The following OR2L5 variants were observed in gnomAD, a reference collection of about 807,000 sequenced individuals.
OR2L5 encodes the protein olfactory receptor 2L5.
For synonymous variants in OR2L5, 169 were observed against 142.0 expected, an observed-to-expected ratio of 1.19 and a Z score of -1.35; for missense variants, 413 against 381.6, an observed-to-expected ratio of 1.08 and a Z score of -0.69.
In OR2L5 at chr1:248,022,475, T is replaced by C; in HGVS notation, c.528T>C (p.Phe176=). Residue 176 remains phenylalanine (F), a synonymous_variant, in exon 2 of 2, where the codon TTT becomes TTC. Coordinates refer to ENST00000355281, the MANE Select transcript of OR2L5 (RefSeq NM_001258284.2). ...PYCKSRAINH[F]FCDVPAMLTL... The stretch of plus-strand genomic sequence containing the variant: ...GCAAGTCCAGAGCCATCAATCATTT[T>C]TTCTGTGATGTTCCAGCTATGTTGA... 6.2e-7 allele frequency: 1 copy of C among 1,614,234 alleles called. No homozygotes were observed. The highest frequency in any genetic ancestry group is 8.5e-7 in the Non-Finnish European group (1 of 1,180,044).
rs1191505964 is a variant in OR2L5, at chr1:248,023,571, A to T, written c.*685A>T. The T allele has an allele frequency of 6.6e-6, 1 of 152,198 alleles. No individual in the cohort carries two copies. The highest frequency in any genetic ancestry group is 2.4e-5 in the African/African-American group (1 of 41,462). The allele number at this position is 152,198 out of a possible 1,614,324, so 9.4% of individuals were successfully genotyped here. A position where few individuals can be genotyped will look rare whatever the true frequency, so the allele number is the denominator to read the frequency against. Reference sequence around the variant, plus strand: ...CTCCTGAGTAGCCACGGGTATTCTCATGCAAGACGTTCTCTTCTGAACAAT... The same window carrying T: ...CTCCTGAGTAGCCACGGGTATTCTCTTGCAAGACGTTCTCTTCTGAACAAT... On this transcript the variant is annotated 3_prime_UTR_variant, in exon 2 of 2. Transcript: ENST00000355281.
chr1:248,021,889 A>T, intron 1 of OR2L5, 38 bp from the exon 2 acceptor site: 2 of 1,366,756 alleles, frequency 1.5e-6, no homozygotes, highest in Non-Finnish European at 1.0e-6. Context: ...GATAATGGGG[A>T]ACTACTGTAC....
At position 248,023,170 on chromosome 1, in the gene OR2L5, G is replaced by T; in HGVS notation, c.*284G>T. 4.3e-6 allele frequency: 1 copy of T among 230,488 alleles called. No homozygotes were observed. Among genetic ancestry groups the T allele is most frequent in the East Asian group, 8.8e-5 (1 of 11,386 alleles). The allele number at this position is 230,488 out of a possible 1,614,324, so 14.3% of individuals were successfully genotyped here. On this transcript the variant is annotated 3_prime_UTR_variant, in exon 2 of 2. Transcript: ENST00000355281. ...AAATCAAAACAATAAATGTCCAAAG[G>T]AATCATATCATTCAGCATAATAGTT... is the stretch of plus-strand genomic sequence containing the variant.
intron 1 of OR2L5, among the ~76,000 whole-genome samples, chr1:248,020,896 C>A (rs1662318941): frequency 6.7e-6 from 1 of 150,184 alleles, no homozygotes; most frequent in Non-Finnish European, 1.5e-5. Flanking sequence ...TATATGGGAC[C>A]AACATGGCAC....
chr1:248,016,317 T>C (rs1029811222), intron 1 of OR2L5, among the ~76,000 whole-genome samples: 5 of 152,206 alleles, frequency 3.3e-5, no homozygotes, highest in Non-Finnish European at 2.9e-5. Context: ...GGTATTTTTT[T>C]TGTAAGTGAA....
rs756499486 is a variant in OR2L5, at chr1:248,022,015, G to T, written c.68G>T (p.Gly23Val). 1.1e-5 allele frequency: 18 copies of T among 1,613,756 alleles called. No individual in the cohort carries two copies. In the Admixed American group the frequency reaches 2.3e-4, roughly 21 times the overall value. The change falls in exon 2 of 2, where the codon GGC (glycine) becomes GTC (valine). Residue 23 changes from glycine (G) to valine (V), a missense_variant. Physicochemically the swap from Gly to Val is moderately radical, Grantham distance 109. Coordinates refer to ENST00000355281, the MANE Select transcript of OR2L5 (RefSeq NM_001258284.2). ...LLGLFPPSKI[G>V]LFLFILFVLI... ...GGGCTGTTCCCACCATCAAAAATTG[G>T]CCTTTTCCTCTTCATTCTCTTTGTT...
At chr1:248,017,770 C>T (rs544332807) in intron 1 of OR2L5, among the ~76,000 whole-genome samples, 1 of 152,196 alleles carries the variant, frequency 6.6e-6, no homozygotes, top group Non-Finnish European at 1.5e-5. Context: ...GGATGGAGTT[C>T]TGGGGTTGCC....
intron 1 of OR2L5, among the ~76,000 whole-genome samples, chr1:248,017,997 T>TA (rs1662240751): frequency 1.3e-5 from 2 of 151,570 alleles, no homozygotes; most frequent in East Asian, 2.0e-4. Context: ...TATGTATATA[T>TA]AAAAAAAATT....
At position 248,021,980 on chromosome 1, in the gene OR2L5, C is replaced by A; in HGVS notation, c.33C>A (p.Phe11Leu). The A allele has an allele frequency of 6.2e-7, 1 of 1,613,580 alleles. No individual in the cohort carries two copies. Among genetic ancestry groups the A allele is most frequent in the Non-Finnish European group, 8.5e-7 (1 of 1,179,696 alleles). Residue 11 changes from phenylalanine (F) to leucine (L), a missense_variant, in exon 2 of 2, where the codon TTC (phenylalanine) becomes TTA (leucine). Physicochemically the swap from Phe to Leu is conservative, Grantham distance 22. Transcript: ENST00000355281. ...ATTACAATCAAACGTCAACTGATTT[C>A]ATCTTATTGGGGCTGTTCCCACCAT... MENYNQTSTD[F>L]ILLGLFPPSK...
intron 1 of OR2L5, among the ~76,000 whole-genome samples, chr1:248,014,959 G>C (rs562507499): frequency 6.4e-4 from 97 of 152,132 alleles, no homozygotes; most frequent in Middle Eastern, 6.8e-3. Context: ...ACAGTCAAAG[G>C]ATACTTCATA....
chr1:248,022,696 A>G lies in OR2L5; in HGVS notation c.749A>G (p.Tyr250Cys), dbSNP rs1365094690. Residue 250 changes from tyrosine (Y) to cysteine (C), a missense_variant, in exon 2 of 2, where the codon TAC becomes TGC. Coordinates refer to ENST00000355281, the MANE Select transcript of OR2L5 (RefSeq NM_001258284.2). The stretch of plus-strand genomic sequence containing the variant: ...ACCCACCTCACTGTAGTAACTTTCT[A>G]CTATGCACCCTTTGCTTATACCTAT... ...CSTHLTVVTF[Y>C]YAPFAYTYLC... The G allele has an allele frequency of 2.5e-6, 4 of 1,614,052 alleles. No homozygotes were observed. The Admixed American group carries it at 6.7e-5, about 27-fold the overall frequency.
chr1:248,022,681 CT>C lies in OR2L5; in HGVS notation c.735del (p.Val246Ter). The C allele has an allele frequency of 6.2e-7, 1 of 1,614,152 alleles. No individual in the cohort carries two copies. The highest frequency in any genetic ancestry group is 8.5e-7 in the Non-Finnish European group (1 of 1,180,008). Reference sequence around the variant, plus strand: ...TATTCGACCTGCAGCACCCACCTCACTGTAGTAACTTTCTACTATGCACCCT... The same window carrying C: ...TATTCGACCTGCAGCACCCACCTCACGTAGTAACTTTCTACTATGCACCCT... ...KAYSTCSTHL[T>X]VVTFYYAPFA... On this transcript the variant is annotated frameshift_variant, in exon 2 of 2. Coordinates refer to ENST00000355281, the MANE Select transcript of OR2L5 (RefSeq NM_001258284.2). LOFTEE classifies it low-confidence loss of function (END_TRUNC).
chr1:248,021,967 C>A lies in OR2L5; in HGVS notation c.20C>A (p.Thr7Lys). 1 of 1,613,048 alleles carries A rather than the reference C, an allele frequency of 6.2e-7. No homozygotes were observed. Among genetic ancestry groups the A allele is most frequent in the African/African-American group, 1.3e-5 (1 of 74,954 alleles). The change falls in exon 2 of 2, where the codon ACG (threonine) becomes AAG (lysine). Residue 7 changes from threonine (T) to lysine (K), a missense_variant. By Grantham distance (78) the Thr-to-Lys change is moderately conservative. Coordinates refer to ENST00000355281, the MANE Select transcript of OR2L5 (RefSeq NM_001258284.2). MENYNQ[T>K]STDFILLGLF... The stretch of plus-strand genomic sequence containing the variant: ...TGCCCCATGGAAAATTACAATCAAA[C>A]GTCAACTGATTTCATCTTATTGGGG...
At chr1:248,019,085 C>T (rs549809408) in intron 1 of OR2L5, among the ~76,000 whole-genome samples, 2 of 152,150 alleles carry the variant, frequency 1.3e-5, no homozygotes, top group African/African-American at 4.8e-5. Flanking sequence ...TGTGATAATA[C>T]TGCTGTGAAT....
Position 248,024,045 on chromosome 1 carries a change from GTTTAT to G in OR2L5, c.*1163_*1167del, listed in dbSNP as rs1436733735. On this transcript the variant is annotated 3_prime_UTR_variant, in exon 2 of 2. Transcript: ENST00000355281. ...TTTTTATTTGTTATTAATTTTATTT[GTTTAT>G]TTTGTTTATTTTTTATGGGGGTTCT... 4.6e-5 allele frequency: 7 copies of G among 151,972 alleles called. No homozygotes were observed. Among genetic ancestry groups the G allele is most frequent in the African/African-American group, 1.2e-4 (5 of 41,374 alleles). The allele number at this position is 151,972 out of a possible 1,614,324, so 9.4% of individuals were successfully genotyped here.
chr1:248,020,888 T>C (rs962059114), intron 1 of OR2L5, among the ~76,000 whole-genome samples: 1 of 151,392 alleles, frequency 6.6e-6, no homozygotes, highest in African/African-American at 2.4e-5. Flanking sequence ...CATATGTATA[T>C]ATGGGACCAA....
At position 248,023,028 on chromosome 1, in the gene OR2L5, T is replaced by G. The variant is rs982575227; in HGVS notation, c.*142T>G. Reference sequence around the variant, plus strand: ...TTTGTCTTTTAATTTAGTCTTGACATTATAGTTGCATATTCTAAGACATCT... The same window carrying G: ...TTTGTCTTTTAATTTAGTCTTGACAGTATAGTTGCATATTCTAAGACATCT... On this transcript the variant is annotated 3_prime_UTR_variant, in exon 2 of 2. Transcript: ENST00000355281. The G allele has an allele frequency of 1.3e-5, 10 of 758,658 alleles. No homozygotes were observed. In the African/African-American group the frequency reaches 1.4e-4, roughly 11 times the overall value. The allele number at this position is 758,658 out of a possible 1,614,324, so 47.0% of individuals were successfully genotyped here. A position where few individuals can be genotyped will look rare whatever the true frequency, so the allele number is the denominator to read the frequency against.
chr1:248,015,282 A>G (rs1341810927), intron 1 of OR2L5, among the ~76,000 whole-genome samples: 2 of 152,156 alleles, frequency 1.3e-5, no homozygotes, highest in Non-Finnish European at 2.9e-5. Context: ...AGGAGAATCT[A>G]TTGTGGAGGA....
At chr1:248,015,690 AT>A (rs1378433951) in intron 1 of OR2L5, among the ~76,000 whole-genome samples, 1 of 152,118 alleles carries the variant, frequency 6.6e-6, no homozygotes, top group African/African-American at 2.4e-5. Flanking sequence ...TGTGGCTTGG[AT>A]TTTGGAGGCT....
Sources: allele counts gnomAD v4.1 joint callset (sites outside exome capture counted in the v4.1 genomes callset), GRCh38; gene constraint gnomAD v4.1.1; transcripts MANE v1.5; gene names NCBI Gene and HGNC (gene_info 2026-07-23, HGNC 2026-07-21).